The following NOMO3 variants were observed in gnomAD, a reference collection of about 807,000 sequenced individuals.
NOMO3 encodes the protein NODAL modulator 3, also known as BOS complex subunit NOMO3.
A neutral mutation model predicts 69.9 loss-of-function variants in NOMO3; 15 were observed. That is an observed-to-expected ratio of 0.21 (90% CI 0.14 to 0.33). The LOEUF (loss-of-function observed/expected upper bound fraction) is 0.33. Among genes scored for constraint, NOMO3 ranks in the 10% least tolerant of loss-of-function variants. NOMO3 has a pLI of 1.00. For missense variants in NOMO3, 218 were observed against 761.0 expected (o/e 0.29, Z 8.39); for synonymous variants, 89 against 301.9 (o/e 0.29, Z 7.31).
intron 14 of NOMO3, 60 bp from the exon 15 acceptor site, chr16:16,264,983 C>T (rs952777534): frequency 1.3e-5 from 15 of 1,132,314 alleles, no homozygotes; most frequent in East Asian, 3.0e-5. Flanking sequence ...TTTCTGGTGG[C>T]GTGCAGGGAG....
rs180828331 is a variant in NOMO3, at chr16:16,263,380, G to A, written c.1538-133G>A. On this transcript the variant is annotated intron_variant, in intron 13 of 30. Transcript: ENST00000399336. ...GGGTACATGTTAACTTGAAAGAAGC[G>A]CTCCGTCTGCCTCCGGCCACTGCCT... is the stretch of plus-strand genomic sequence containing the variant. 4.2e-4 allele frequency: 655 copies of A among 1,563,674 alleles called. 36 individuals are homozygous for A. Among genetic ancestry groups the A allele is most frequent in the Middle Eastern group, 1.6e-3 (7 of 4,256 alleles).
rs1471391616 is a variant in NOMO3, at chr16:16,233,497, T to G, written c.165+666T>G. ...ATGGAATTACCCTAGAGATTTGTGC[T>G]GAAGGTTTTTTTTTTTTTTTTTTTT... On this transcript the variant is annotated intron_variant, in intron 1 of 30. Coordinates refer to ENST00000399336, the MANE Select transcript of NOMO3 (RefSeq NM_001004067.4). 3.1e-5 allele frequency among the ~76,000 whole-genome samples: 3 copies of G among 96,582 alleles called. 1 individual carries two copies. Among genetic ancestry groups the G allele is most frequent in the Non-Finnish European group, 7.0e-5 (3 of 42,914 alleles). The allele number at this position is 96,582 out of a possible 152,430, so 63.4% of individuals were successfully genotyped here. A position where few individuals can be genotyped will look rare whatever the true frequency, so the allele number is the denominator to read the frequency against.
chr16:16,249,871 A>G (rs2049448629), intron 6 of NOMO3, among the ~76,000 whole-genome samples: 1 of 143,656 alleles, frequency 7.0e-6, no homozygotes, highest in South Asian at 2.3e-4. Context: ...GCGTGCTTAG[A>G]ATCTGTACAC....
chr16:16,263,238 G>T, intron 13 of NOMO3, 23 bp downstream of exon 13: 3 of 1,595,100 alleles, frequency 1.9e-6, no homozygotes, highest in Non-Finnish European at 2.5e-6. Flanking sequence ...TGGAAAGTAA[G>T]AACACATAGT....
chr16:16,261,585 C>G lies in NOMO3; in HGVS notation c.1304C>G (p.Ser435Cys). The G allele has an allele frequency of 6.3e-7, 1 of 1,582,548 alleles. No individual in the cohort carries two copies. Among genetic ancestry groups the G allele is most frequent in the Non-Finnish European group, 8.5e-7 (1 of 1,175,054 alleles). ...AATAAATACAAAGTTGTCCTGTCAT[C>G]TCAAGACAAGGACAAGTCTTTGGTC... ...QMNKYKVVLS[S>C]QDKDKSLVTV... Residue 435 changes from serine (S) to cysteine (C), a missense_variant, in exon 12 of 31, where the codon TCT (serine) becomes TGT (cysteine). By Grantham distance (112) the Ser-to-Cys change is moderately radical. Coordinates refer to ENST00000399336, the MANE Select transcript of NOMO3 (RefSeq NM_001004067.4).
chr16:16,255,027 C>T (rs2049498512), intron 9 of NOMO3, among the ~76,000 whole-genome samples: 1 of 144,176 alleles, frequency 6.9e-6, no homozygotes, highest in Non-Finnish European at 1.5e-5. Flanking sequence ...ATTCTCCTGC[C>T]TCAGCCTCCC....
intron 5 of NOMO3, among the ~76,000 whole-genome samples, chr16:16,246,643 A>G (rs905802018): frequency 8.3e-5 from 11 of 133,138 alleles, no homozygotes; most frequent in Non-Finnish European, 1.5e-4. Context: ...GAAGAAATCA[A>G]ATGCGTTTTC....
chr16:16,238,333 A>G (rs1395138593), intron 2 of NOMO3, among the ~76,000 whole-genome samples: 2 of 134,702 alleles, frequency 1.5e-5, no homozygotes, highest in Non-Finnish European at 3.1e-5. Context: ...CCTGGGTTCC[A>G]GTGATTCTTC....
chr16:16,265,670 ATTTTTT>A (rs59243746), intron 15 of NOMO3, among the ~76,000 whole-genome samples: 336 of 16,558 alleles, frequency 0.02, 2 homozygotes, highest in African/African-American at 0.032. Context: ...ATATATATAT[ATTTTTT>A]TTTTTTTTTT....
At position 16,237,388 on chromosome 16, in the gene NOMO3, T is replaced by TA. The variant is rs902783427; in HGVS notation, c.255+405dup. On this transcript the variant is annotated intron_variant, in intron 2 of 30. Coordinates refer to ENST00000399336, the MANE Select transcript of NOMO3 (RefSeq NM_001004067.4). ...ACTTGCAAGCAGCTTAAAGTATTGT[T>TA]AAAAAAATTGTACAAGTAATACATG... Among the ~76,000 whole-genome samples, 21 of 144,654 alleles carry TA rather than the reference T, an allele frequency of 1.5e-4. 3 individuals carry two copies. The highest frequency in any genetic ancestry group is 1.1e-3 in the South Asian group (5 of 4,584). The allele number at this position is 144,654 out of a possible 152,430, so 94.9% of individuals were successfully genotyped here. A position where few individuals can be genotyped will look rare whatever the true frequency, so the allele number is the denominator to read the frequency against.
Position 16,273,906 on chromosome 16 carries a change from C to T in NOMO3, c.2272C>T (p.Arg758Trp), listed in dbSNP as rs377395698. 125 of 1,422,960 alleles carry T rather than the reference C, an allele frequency of 8.8e-5. 18 individuals carry two copies. Among genetic ancestry groups the T allele is most frequent in the African/African-American group, 3.7e-4 (14 of 38,034 alleles). 88.1% of individuals were successfully genotyped at this position (1,422,960 alleles called of 1,614,324 possible). A position where few individuals can be genotyped will look rare whatever the true frequency, so the allele number is the denominator to read the frequency against. ...CTCGTATGATTTCTCTTACTGGGCG[C>T]GGTAAGCTCTCTTGTGCGTTTCCCT... ...PFSYDFSYWARSGEKITVTPS... is the reference protein window; with the variant it reads ...PFSYDFSYWAWSGEKITVTPS... The change falls in exon 19 of 31, where the codon CGG becomes TGG. Residue 758 changes from arginine (R) to tryptophan (W), a missense_variant and splice_region_variant. Coordinates refer to ENST00000399336, the MANE Select transcript of NOMO3 (RefSeq NM_001004067.4).
chr16:16,255,379 G>A lies in NOMO3; in HGVS notation c.964-341G>A, dbSNP rs543079725. Reference sequence around the variant, plus strand: ...GCATGGGAGACTGGAGGAAGACGTGGTTCACCAAAATGGGGGCATCTGGAG... The same window carrying A: ...GCATGGGAGACTGGAGGAAGACGTGATTCACCAAAATGGGGGCATCTGGAG... On this transcript the variant is annotated intron_variant, in intron 9 of 30. Transcript: ENST00000399336. 7.2e-5 allele frequency among the ~76,000 whole-genome samples: 10 copies of A among 138,366 alleles called. 1 individual carries two copies. Among genetic ancestry groups the A allele is most frequent in the Admixed American group, 1.4e-4 (2 of 14,254 alleles). The allele number at this position is 138,366 out of a possible 152,430, so 90.8% of individuals were successfully genotyped here. A position where few individuals can be genotyped will look rare whatever the true frequency, so the allele number is the denominator to read the frequency against.
intron 6 of NOMO3, among the ~76,000 whole-genome samples, chr16:16,248,379 C>T (rs2049431142): frequency 7.6e-6 from 1 of 132,388 alleles, no homozygotes. Flanking sequence ...AACCAGTGCA[C>T]TCGGCCAGAT....
intron 15 of NOMO3, among the ~76,000 whole-genome samples, chr16:16,266,159 C>T (rs1429216153): frequency 1.4e-5 from 2 of 139,048 alleles, no homozygotes; most frequent in South Asian, 2.3e-4. Flanking sequence ...TGTCGAGCGG[C>T]GGCAGATGTC....
At chr16:16,234,303 G>T (rs1426019441) in intron 1 of NOMO3, among the ~76,000 whole-genome samples, 4 of 147,106 alleles carry the variant, frequency 2.7e-5, no homozygotes, top group Non-Finnish European at 6.0e-5. Flanking sequence ...GTTTCCAGGG[G>T]TTCTGGAAGG....
At position 16,263,200 on chromosome 16, in the gene NOMO3, A is replaced by G. The variant is rs1320897356; in HGVS notation, c.1522A>G (p.Lys508Glu). 1 of 1,593,676 alleles carries G rather than the reference A, an allele frequency of 6.3e-7. No individual in the cohort carries two copies. Among genetic ancestry groups the G allele is most frequent in the Non-Finnish European group, 8.5e-7 (1 of 1,177,074 alleles). The change falls in exon 13 of 31, where the codon AAA becomes GAA. Residue 508 changes from lysine (K) to glutamate (E), a missense_variant. Lys to Glu is a moderately conservative substitution (Grantham distance 56). Transcript: ENST00000399336. ...FVQFLASVSG[K>E]VSCLDTCGDL... ...ACAGTTCTTGGCATCAGTTTCTGGG[A>G]AAGTCTCTTGTTTGGGTAAGATATC...
At position 16,255,003 on chromosome 16, in the gene NOMO3, C is replaced by A. The variant is rs2049498182; in HGVS notation, c.964-717C>A. ...TCTTGGCTCACTGCAACCTCTGCAT[C>A]CCGAGTTGAAGTGATTCTCCTGCCT... is the stretch of plus-strand genomic sequence containing the variant. On this transcript the variant is annotated intron_variant, in intron 9 of 30. Transcript: ENST00000399336. Among the ~76,000 whole-genome samples the A allele has an allele frequency of 1.4e-5, 2 of 143,860 alleles. 1 individual carries two copies. Among genetic ancestry groups the A allele is most frequent in the Non-Finnish European group, 3.0e-5 (2 of 67,768 alleles). The allele number at this position is 143,860 out of a possible 152,430, so 94.4% of individuals were successfully genotyped here. A position where few individuals can be genotyped will look rare whatever the true frequency, so the allele number is the denominator to read the frequency against.
In NOMO3 at chr16:16,265,111, G is replaced by C. The variant is rs201651768; in HGVS notation, c.1738G>C (p.Val580Leu). 7 of 1,577,552 alleles carry C rather than the reference G, an allele frequency of 4.4e-6. No individual in the cohort carries two copies. The highest frequency in any genetic ancestry group is 1.1e-5 in the South Asian group (1 of 88,880). Residue 580 changes from valine to leucine, a missense_variant, in exon 15 of 31, where the codon GTG (valine) becomes CTG (leucine). By Grantham distance (32) the Val-to-Leu change is conservative. Coordinates refer to ENST00000399336, the MANE Select transcript of NOMO3 (RefSeq NM_001004067.4). ...GGAGGTGGAAGTGCTGGAGGATGACGTGTCTGCAGTTGAGTTCAGGCAGAC... is the reference window on the plus strand; with the variant it reads ...GGAGGTGGAAGTGCTGGAGGATGACCTGTCTGCAGTTGAGTTCAGGCAGAC... ...SLEVEVLEDD[V>L]SAVEFRQTGY...
chr16:16,268,614 G>C (rs1274947618), intron 16 of NOMO3, among the ~76,000 whole-genome samples: 1 of 142,768 alleles, frequency 7.0e-6, no homozygotes, highest in Non-Finnish European at 1.5e-5. Flanking sequence ...CTGGGTGTCA[G>C]TTCAGCTGCC....
Sources: gnomAD v4.1 joint callset for allele counts (sites outside exome capture counted in the v4.1 genomes callset) on GRCh38, gnomAD v4.1.1 for gene constraint, MANE v1.5 for transcripts, NCBI Gene and HGNC (gene_info 2026-07-23, HGNC 2026-07-21) for gene names.